CPED1: variants seen among roughly 807,000 people sequenced by gnomAD.
The protein encoded by CPED1 is cadherin like and PC-esterase domain containing 1, also known as cadherin-like and PC-esterase domain-containing protein 1.
A neutral mutation model predicts 128.2 loss-of-function variants in CPED1; 114 were observed. The ratio of observed to expected loss-of-function variants is 0.89; its 90% CI spans 0.76 to 1.04. CPED1 has a LOEUF of 1.04. CPED1 is among the 50% of genes least tolerant of loss of function. The probability of loss-of-function intolerance (pLI) is 0.00; values close to 1 mark genes in which losing one functional copy is unlikely to be tolerated. For missense variants in CPED1, 1,211 were observed against 1,207.1 expected (o/e 1.00, Z -0.05); for synonymous variants, 462 against 426.7 (o/e 1.08, Z -1.02).
At chr7:121,201,600 G>A (rs938981212) in intron 16 of CPED1, among the ~76,000 whole-genome samples, 1 of 152,024 alleles carries the variant, frequency 6.6e-6, no homozygotes, top group Non-Finnish European at 1.5e-5. Context: ...CTTCTTTGCA[G>A]CTTTTTGTTG....
rs1360504931 is a variant in CPED1 at position 120,989,303 on chromosome 7, A to G, written c.-231-88A>G. On this transcript the variant is annotated intron_variant, in intron 1 of 22. Transcript: ENST00000310396. ...GAGTTGAAAGATGTGAGAATAAGGCATTGCTGGAAGCAACAGTTTGGCAGC... is the reference window on the plus strand; with the variant it reads ...GAGTTGAAAGATGTGAGAATAAGGCGTTGCTGGAAGCAACAGTTTGGCAGC... 3 of 325,364 alleles carry G rather than the reference A, an allele frequency of 9.2e-6. No homozygotes were observed. In the Admixed American group the frequency reaches 1.4e-4, roughly 15 times the overall value. 20.2% of individuals were successfully genotyped at this position (325,364 alleles called of 1,614,324 possible). A position where few individuals can be genotyped will look rare whatever the true frequency, so the allele number is the denominator to read the frequency against.
Position 121,256,122 on chromosome 7 carries a change from AAC to A in CPED1, c.2311-10103_2311-10102del, listed in dbSNP as rs1278595892. Reference sequence around the variant, plus strand: ...AAAGCAATCCTAAGCAAAAAAAAAAAACAAAACAAAAAAAAAAAACAAAGCTT... The same window carrying A: ...AAAGCAATCCTAAGCAAAAAAAAAAAAAAACAAAAAAAAAAAACAAAGCTT... On this transcript the variant is annotated intron_variant, in intron 18 of 22. Coordinates refer to ENST00000310396, the MANE Select transcript of CPED1 (RefSeq NM_024913.5). 1.9e-4 allele frequency among the ~76,000 whole-genome samples: 6 copies of A among 31,094 alleles called. 1 individual carries two copies. The highest frequency in any genetic ancestry group is 6.5e-4 in the Non-Finnish European group (4 of 6,158). The allele number at this position is 31,094 out of a possible 152,430, so 20.4% of individuals were successfully genotyped here.
intron 16 of CPED1, among the ~76,000 whole-genome samples, chr7:121,165,785 A>T (rs938339094): frequency 6.6e-6 from 1 of 152,154 alleles, no homozygotes. Context: ...AGAGAAAGAC[A>T]ATATATTTTA....
At chr7:121,174,147 A>G (rs1010748427) in intron 16 of CPED1, among the ~76,000 whole-genome samples, 3 of 152,084 alleles carry the variant, frequency 2.0e-5, no homozygotes, top group East Asian at 1.9e-4. Flanking sequence ...ATGGTTTGCA[A>G]ATATTTTCTC....
chr7:120,998,433 A>T (rs1285840521), intron 2 of CPED1, among the ~76,000 whole-genome samples: 1 of 152,196 alleles, frequency 6.6e-6, no homozygotes, highest in Non-Finnish European at 1.5e-5. Context: ...GGCTAACATG[A>T]TCCTTAAATG....
At chr7:121,159,870 A>G (rs1399182968) in intron 16 of CPED1, among the ~76,000 whole-genome samples, 2 of 152,220 alleles carry the variant, frequency 1.3e-5, no homozygotes, top group African/African-American at 4.8e-5. Context: ...ATTAAATGAT[A>G]CTGTTCAAAC....
At chr7:121,102,309 C>T (rs1290826449) in intron 7 of CPED1, among the ~76,000 whole-genome samples, 2 of 152,070 alleles carry the variant, frequency 1.3e-5, no homozygotes, top group African/African-American at 4.8e-5. Context: ...TGTGCATTCT[C>T]TATTTTGTCC....
intron 4 of CPED1, among the ~76,000 whole-genome samples, chr7:121,058,882 C>A (rs981188883): frequency 1.3e-5 from 2 of 152,102 alleles, no homozygotes; most frequent in Non-Finnish European, 2.9e-5. Flanking sequence ...TTGTCAATAA[C>A]CTTATAATGA....
intron 2 of CPED1, among the ~76,000 whole-genome samples, chr7:121,001,323 A>C (rs564807639): frequency 6.6e-6 from 1 of 152,224 alleles, no homozygotes; most frequent in South Asian, 2.1e-4. Flanking sequence ...ATTATTCATA[A>C]ATTTTGATAT....
intron 3 of CPED1, among the ~76,000 whole-genome samples, chr7:121,041,033 T>G (rs1197376382): frequency 6.6e-6 from 1 of 152,144 alleles, no homozygotes; most frequent in Non-Finnish European, 1.5e-5. Context: ...ATTATTAACT[T>G]TGTTCTTCTC....
chr7:121,051,312 A>C (rs926080539), intron 4 of CPED1: 4 of 457,446 alleles, frequency 8.7e-6, no homozygotes, highest in African/African-American at 8.2e-5. Context: ...TAGTAGCTCT[A>C]GAAACATTTT....
At chr7:121,265,857 G>C (rs1186722281) in intron 18 of CPED1, among the ~76,000 whole-genome samples, 1 of 152,066 alleles carries the variant, frequency 6.6e-6, no homozygotes, top group Non-Finnish European at 1.5e-5. Flanking sequence ...AAAATAAAGA[G>C]ATTGGAAAAT....
At chr7:121,186,299 G>T (rs979071538) in intron 16 of CPED1, among the ~76,000 whole-genome samples, 3 of 151,906 alleles carry the variant, frequency 2.0e-5, no homozygotes, top group Non-Finnish European at 4.4e-5. Flanking sequence ...TGTATGCATG[G>T]GAATTTATAG....
Position 121,097,900 on chromosome 7 carries a change from C to T in CPED1, c.749+69C>T. 3 of 1,536,638 alleles carry T rather than the reference C, an allele frequency of 2.0e-6. No individual in the cohort carries two copies. The South Asian group carries it at 3.5e-5, about 18-fold the overall frequency. On this transcript the variant is annotated intron_variant, in intron 6 of 22. Coordinates refer to ENST00000310396, the MANE Select transcript of CPED1 (RefSeq NM_024913.5). ...GGAGACAGCTAACAAGAGAAAAGCACAGAACAGATATGGGGGGTTCACATG... is the reference window on the plus strand; with the variant it reads ...GGAGACAGCTAACAAGAGAAAAGCATAGAACAGATATGGGGGGTTCACATG...
chr7:121,096,713 T>C (rs1307024357), intron 5 of CPED1, among the ~76,000 whole-genome samples: 1 of 152,126 alleles, frequency 6.6e-6, no homozygotes, highest in East Asian at 1.9e-4. Flanking sequence ...AAATCAAATG[T>C]ATATTTATTT....
chr7:121,041,198 G>T (rs1793043337), intron 3 of CPED1, among the ~76,000 whole-genome samples: 1 of 151,878 alleles, frequency 6.6e-6, no homozygotes, highest in African/African-American at 2.4e-5. Flanking sequence ...ATAATTGTTT[G>T]CTGTTCACAT....
chr7:121,128,636 G>A (rs753107976), intron 11 of CPED1, 150 bp downstream of exon 11: 1 of 566,314 alleles, frequency 1.8e-6, no homozygotes, highest in Non-Finnish European at 3.2e-6. Context: ...AGAGATCTAA[G>A]TAGCAAAATG....
At chr7:121,212,604 A>AT (rs1797672532) in intron 16 of CPED1, among the ~76,000 whole-genome samples, 1 of 152,016 alleles carries the variant, frequency 6.6e-6, no homozygotes, top group Non-Finnish European at 1.5e-5. Flanking sequence ...ATGTGTTTAC[A>AT]TATCTGTTTT....
chr7:121,118,266 G>T (rs1338846296), intron 7 of CPED1, among the ~76,000 whole-genome samples: 1 of 152,026 alleles, frequency 6.6e-6, no homozygotes, highest in Non-Finnish European at 1.5e-5. Context: ...TGAATTAATT[G>T]AATAAAAAGA....
Sources: allele counts gnomAD v4.1 joint callset (sites outside exome capture counted in the v4.1 genomes callset), GRCh38; gene constraint gnomAD v4.1.1; transcripts MANE v1.5; gene names NCBI Gene and HGNC (gene_info 2026-07-23, HGNC 2026-07-21).